BROX: variants seen among roughly 807,000 people sequenced by gnomAD.
BROX encodes the protein BRO1 domain and CAAX motif containing, also known as BRO1 domain-containing protein BROX.
BROX carries 53 observed loss-of-function variants against 61.0 expected under a neutral mutation model. The observed-to-expected ratio is 0.87, with a 90% confidence interval of 0.70 to 1.09. The LOEUF is 1.09. Ranked by LOEUF, BROX falls within the 50% of genes least tolerant of loss-of-function variation. The pLI is 0.00. For missense variants in BROX, 489 were observed against 472.0 expected, an observed-to-expected ratio of 1.04 and a Z score of -0.33; for synonymous variants, 152 against 160.2, an observed-to-expected ratio of 0.95 and a Z score of 0.38.
intron 1 of BROX, chr1:222,713,229 G>T: frequency 1.0e-6 from 1 of 986,350 alleles, no homozygotes; most frequent in East Asian, 1.1e-4. Context: ...TTCGGCCGTT[G>T]TCTGGCCACC....
At chr1:222,727,108 G>C in intron 7 of BROX, 60 bp from the exon 8 acceptor site, 1 of 1,164,620 alleles carries the variant, frequency 8.6e-7, no homozygotes, top group Admixed American at 2.0e-5. Context: ...TATTATAATT[G>C]AATTTAGGAT....
At chr1:222,713,497 G>C in intron 1 of BROX, 1 of 938,540 alleles carries the variant, frequency 1.1e-6, no homozygotes, top group Non-Finnish European at 1.3e-6. Context: ...AAGTGTGTTA[G>C]CTTACAGCTT....
Position 222,730,114 on chromosome 1 carries a change from T to C in BROX, c.926T>C (p.Phe309Ser). ...PTVKPSGHLF[F>S]RKLGNLVKNT... is the part of the protein sequence containing the mutation. The stretch of plus-strand genomic sequence containing the variant: ...GTCAAACCTTCAGGACATCTGTTCT[T>C]TAGGAAACTTGGAAACCTTGTGAAG... The change falls in exon 11 of 13, where the codon TTT (phenylalanine) becomes TCT (serine). Residue 309 changes from phenylalanine (F) to serine (S), a missense_variant. Transcript: ENST00000340934. The C allele has an allele frequency of 6.2e-7, 1 of 1,613,110 alleles. No individual in the cohort carries two copies. Among genetic ancestry groups the C allele is most frequent in the Non-Finnish European group, 8.5e-7 (1 of 1,179,406 alleles).
intron 1 of BROX, among the ~76,000 whole-genome samples, chr1:222,714,485 A>C (rs1015791420): frequency 4.2e-5 from 6 of 142,848 alleles, no homozygotes; most frequent in Middle Eastern, 3.6e-3. Flanking sequence ...GGCGTGAGCC[A>C]CCGCGCGTTT....
intron 2 of BROX, among the ~76,000 whole-genome samples, chr1:222,718,252 AT>A (rs1213710155): frequency 6.6e-6 from 1 of 152,212 alleles, no homozygotes; most frequent in African/African-American, 2.4e-5. Context: ...GGAGAAAATA[AT>A]TTCAAGAAGG....
intron 4 of BROX, among the ~76,000 whole-genome samples, chr1:222,721,045 G>A (rs1657062536): frequency 6.6e-6 from 1 of 152,066 alleles, no homozygotes; most frequent in Non-Finnish European, 1.5e-5. Flanking sequence ...ACTTTTATGT[G>A]GTGTCATAGA....
At chr1:222,715,845 T>C in intron 2 of BROX, 45 bp downstream of exon 2, 1 of 1,274,084 alleles carries the variant, frequency 7.8e-7, no homozygotes, top group Non-Finnish European at 1.1e-6. Flanking sequence ...GGTACTTTTT[T>C]TGGTTCCATG....
rs776787088 is a variant in BROX at position 222,715,835 on chromosome 1, G to A, written c.101+35G>A. 6.5e-6 allele frequency: 9 copies of A among 1,394,930 alleles called. No individual in the cohort carries two copies. In the Admixed American group the frequency reaches 1.6e-4, roughly 25 times the overall value. The allele number at this position is 1,394,930 out of a possible 1,614,324, so 86.4% of individuals were successfully genotyped here. ...TTGATTGAACCACTCTTAGATGCAA[G>A]GTACTTTTTTTGGTTCCATGGCAAT... is the stretch of plus-strand genomic sequence containing the variant. On this transcript the variant is annotated intron_variant, in intron 2 of 12. Transcript: ENST00000340934.
chr1:222,730,223 T>G, intron 11 of BROX, 46 bp downstream of exon 11: 1 of 1,215,530 alleles, frequency 8.2e-7, no homozygotes, highest in East Asian at 2.9e-5. Flanking sequence ...TATGTTGATT[T>G]ATGATTATAT....
At position 222,726,213 on chromosome 1, in the gene BROX, A is replaced by G. The variant is rs190410499; in HGVS notation, c.580+658A>G. ...CAATGGCAAGTAATAATGACACTCAACGTGAAACAATTAAGAAACTTTGTA... is the reference window on the plus strand; with the variant it reads ...CAATGGCAAGTAATAATGACACTCAGCGTGAAACAATTAAGAAACTTTGTA... On this transcript the variant is annotated intron_variant, in intron 7 of 12. Coordinates refer to ENST00000340934, the MANE Select transcript of BROX (RefSeq NM_144695.4). Among the ~76,000 whole-genome samples, 5 of 152,324 alleles carry G rather than the reference A, an allele frequency of 3.3e-5. No homozygotes were observed. The East Asian group carries it at 5.8e-4, about 18-fold the overall frequency.
At chr1:222,715,649 T>A (rs746450676) in intron 1 of BROX, 35 bp from the exon 2 acceptor site, 325 of 910,692 alleles carry the variant, frequency 3.6e-4, no homozygotes, top group Non-Finnish European at 4.8e-4. Flanking sequence ...ATTTTATATT[T>A]AATTTTTGTA....
At position 222,731,359 on chromosome 1, in the gene BROX, A is replaced by G. The variant is rs1292415699; in HGVS notation, c.992A>G (p.Tyr331Cys). ...GCTATTTAAATTATTTTTTGCAGTT[A>G]CTTTCAAAAAATTCCAACAGAAGCC... ...EKCQRENGFI[Y>C]FQKIPTEAPQ... Residue 331 changes from tyrosine (Y) to cysteine (C), a missense_variant and splice_region_variant, in exon 12 of 13, where the codon TAC (tyrosine) becomes TGC (cysteine). Transcript: ENST00000340934. The G allele has an allele frequency of 6.4e-7, 1 of 1,560,622 alleles. No individual in the cohort carries two copies. The highest frequency in any genetic ancestry group is 1.2e-5 in the South Asian group (1 of 82,640).
intron 4 of BROX, among the ~76,000 whole-genome samples, chr1:222,719,876 A>ACT (rs1656935698): frequency 6.6e-6 from 1 of 152,172 alleles, no homozygotes; most frequent in South Asian, 2.1e-4. Context: ...CTCACTTGAA[A>ACT]CTATTTGTAA....
At position 222,722,417 on chromosome 1, in the gene BROX, A is replaced by G. The variant is rs1172253063; in HGVS notation, c.306-2A>G. The G allele has an allele frequency of 3.1e-6, 5 of 1,609,202 alleles. No individual in the cohort carries two copies. The highest frequency in any genetic ancestry group is 1.3e-5 in the African/African-American group (1 of 74,804). On this transcript the variant is annotated splice_acceptor_variant, in intron 4 of 12. Coordinates refer to ENST00000340934, the MANE Select transcript of BROX (RefSeq NM_144695.4). LOFTEE classifies it high-confidence loss of function. ...ACTTAATGATCATGTTTATAATTCC[A>G]GTGCCCAGCAGGATGCTGTTTTTGA...
intron 6 of BROX, among the ~76,000 whole-genome samples, chr1:222,724,947 C>T (rs973605635): frequency 1.3e-5 from 2 of 152,038 alleles, no homozygotes; most frequent in African/African-American, 4.8e-5. Context: ...GTGCCTGCCA[C>T]CACGCCCAGC....
intron 1 of BROX, 112 bp downstream of exon 1, chr1:222,713,054 G>C: frequency 9.5e-7 from 1 of 1,058,172 alleles, no homozygotes. Flanking sequence ...CCCCTGGACA[G>C]TGGACCAAAA....
chr1:222,717,195 A>G (rs1245526086), intron 2 of BROX, among the ~76,000 whole-genome samples: 1 of 152,252 alleles, frequency 6.6e-6, no homozygotes, highest in Admixed American at 6.5e-5. Flanking sequence ...CCTTTTAAAA[A>G]TATGAAAACC....
intron 12 of BROX, among the ~76,000 whole-genome samples, chr1:222,732,234 T>A (rs1226631286): frequency 6.6e-6 from 1 of 152,170 alleles, no homozygotes; most frequent in Non-Finnish European, 1.5e-5. Context: ...ATTATTATAC[T>A]TTAAGTTTTA....
In BROX at chr1:222,734,458, ACTCCT is replaced by A. The variant is rs1425663943; in HGVS notation, c.*1745_*1749del. 7 of 152,132 alleles carry A rather than the reference ACTCCT, an allele frequency of 4.6e-5. No homozygotes were observed. Among genetic ancestry groups the A allele is most frequent in the Non-Finnish European group, 8.8e-5 (6 of 68,014 alleles). 9.4% of individuals were successfully genotyped at this position (152,132 alleles called of 1,614,324 possible). ...ACTTAAATCATATATCATAGTTTAC[ACTCCT>A]TAAAAAAAGGTACATAAATTCAGTG... On this transcript the variant is annotated 3_prime_UTR_variant, in exon 13 of 13. Coordinates refer to ENST00000340934, the MANE Select transcript of BROX (RefSeq NM_144695.4).
Sources: allele counts gnomAD v4.1 joint callset (sites outside exome capture counted in the v4.1 genomes callset), GRCh38; gene constraint gnomAD v4.1.1; transcripts MANE v1.5; gene names NCBI Gene and HGNC (gene_info 2026-07-23, HGNC 2026-07-21).